The following LAMA2 variants were observed in gnomAD, a reference collection of about 807,000 sequenced individuals.
LAMA2 encodes laminin subunit alpha 2, also known as laminin subunit alpha-2.
A neutral mutation model predicts 364.8 loss-of-function variants in LAMA2; 269 were observed. That is an observed-to-expected ratio of 0.74 (90% CI 0.67 to 0.82). LAMA2 has a LOEUF of 0.82. Ranked by LOEUF, LAMA2 falls within the 40% of genes least tolerant of loss-of-function variation. The pLI is 0.00. For missense variants in LAMA2, 3,807 were observed against 3,873.2 expected (o/e 0.98, Z 0.45); for synonymous variants, 1,379 against 1,370.6 (o/e 1.01, Z -0.14).
At chr6:128,954,714 A>C (rs1199763255) in intron 1 of LAMA2, among the ~76,000 whole-genome samples, 2 of 151,996 alleles carry the variant, frequency 1.3e-5, no homozygotes. Context: ...GATATAATAC[A>C]TTTGGGTGAA....
intron 18 of LAMA2, among the ~76,000 whole-genome samples, chr6:129,285,510 C>T (rs934749609): frequency 3.3e-5 from 5 of 152,110 alleles, no homozygotes; most frequent in East Asian, 1.9e-4. Flanking sequence ...TCCCAGATCT[C>T]GTTATATAAA....
chr6:129,396,552 G>C (rs542408959), intron 37 of LAMA2, among the ~76,000 whole-genome samples: 29 of 152,230 alleles, frequency 1.9e-4, no homozygotes, highest in African/African-American at 7.0e-4. Context: ...AGAAGGCTTT[G>C]GATGCAGCCA....
chr6:129,078,362 T>G (rs754028931), intron 3 of LAMA2, among the ~76,000 whole-genome samples: 6 of 152,100 alleles, frequency 3.9e-5, no homozygotes, highest in Non-Finnish European at 7.4e-5. Context: ...CTTGAACTCC[T>G]GACCTTAAGT....
intron 41 of LAMA2, among the ~76,000 whole-genome samples, chr6:129,431,330 C>T (rs886361537): frequency 9.4e-5 from 14 of 149,390 alleles, no homozygotes; most frequent in East Asian, 4.0e-4. Flanking sequence ...ACCCAGGATA[C>T]GGAGGTTACA....
chr6:129,461,845 C>G (rs1285387666), intron 49 of LAMA2, among the ~76,000 whole-genome samples: 1 of 151,900 alleles, frequency 6.6e-6, no homozygotes, highest in Non-Finnish European at 1.5e-5. Context: ...TGAATACAGC[C>G]TAGTCCTAGC....
At chr6:129,428,426 C>T (rs1257758722) in intron 41 of LAMA2, among the ~76,000 whole-genome samples, 1 of 152,130 alleles carries the variant, frequency 6.6e-6, no homozygotes, top group Non-Finnish European at 1.5e-5. Context: ...AGAGTAAGAT[C>T]CTGTCTCTAA....
At chr6:129,162,756 TG>T (rs1167540088) in intron 8 of LAMA2, among the ~76,000 whole-genome samples, 1 of 152,166 alleles carries the variant, frequency 6.6e-6, no homozygotes, top group Non-Finnish European at 1.5e-5. Context: ...ATACCATGTA[TG>T]ATAAAACTTT....
At position 129,095,858 on chromosome 6, in the gene LAMA2, G is replaced by T. The variant is rs146649398; in HGVS notation, c.397-2315G>T. Among the ~76,000 whole-genome samples, 14 of 152,126 alleles carry T rather than the reference G, an allele frequency of 9.2e-5. No homozygotes were observed. In the East Asian group the frequency reaches 2.5e-3, roughly 27 times the overall value. ...GAATTGCTTGAACCTGGGAGGCAGA[G>T]GTTGCAGTGAGCCAAGCTTGCGCCA... is the stretch of plus-strand genomic sequence containing the variant. On this transcript the variant is annotated intron_variant, in intron 3 of 64. Coordinates refer to ENST00000421865, the MANE Select transcript of LAMA2 (RefSeq NM_000426.4).
Position 129,470,903 on chromosome 6 carries a change from A to C in LAMA2, c.7301-2311A>C, listed in dbSNP as rs149568140. On this transcript the variant is annotated intron_variant, in intron 51 of 64. Transcript: ENST00000421865. ...GTTCCCCATCTTTCTTGAGTCAGTT[A>C]CAGAACCACAGTCCCTGACAGAAGT... Among the ~76,000 whole-genome samples, 410 of 152,034 alleles carry C rather than the reference A, an allele frequency of 2.7e-3. 4 individuals carry two copies. The highest frequency in any genetic ancestry group is 9.4e-3 in the African/African-American group (392 of 41,540).
chr6:128,985,950 C>T (rs571743317), intron 1 of LAMA2, among the ~76,000 whole-genome samples: 3 of 152,218 alleles, frequency 2.0e-5, no homozygotes, highest in Admixed American at 1.3e-4. Context: ...ACCATTGACT[C>T]TTATTTACCT....
At chr6:128,922,358 C>T (rs1331785606) in intron 1 of LAMA2, among the ~76,000 whole-genome samples, 1 of 151,740 alleles carries the variant, frequency 6.6e-6, no homozygotes, top group Non-Finnish European at 1.5e-5. Flanking sequence ...TCCACATCCT[C>T]TCCAGCCCCT....
chr6:129,250,238 C>A, intron 13 of LAMA2, 25 bp downstream of exon 13: 1 of 1,335,140 alleles, frequency 7.5e-7, no homozygotes, highest in African/African-American at 1.5e-5. Flanking sequence ...GCATGTTCAC[C>A]CGTGTTACTT....
intron 37 of LAMA2, among the ~76,000 whole-genome samples, chr6:129,395,194 C>A (rs930194055): frequency 1.9e-4 from 29 of 151,852 alleles, no homozygotes; most frequent in Middle Eastern, 3.4e-3. Context: ...TATACAGGTT[C>A]GAGGAAAACT....
intron 30 of LAMA2, among the ~76,000 whole-genome samples, chr6:129,346,066 A>G (rs993778837): frequency 2.0e-5 from 3 of 152,214 alleles, no homozygotes; most frequent in African/African-American, 7.2e-5. Context: ...CCACGGCATT[A>G]GTTCAAGTCC....
At chr6:129,406,064 G>A (rs534316371) in intron 40 of LAMA2, among the ~76,000 whole-genome samples, 1 of 152,180 alleles carries the variant, frequency 6.6e-6, no homozygotes, top group African/African-American at 2.4e-5. Context: ...GTGGAGGTCA[G>A]ACAATTTGAG....
chr6:129,469,959 A>C (rs779782328), intron 51 of LAMA2, among the ~76,000 whole-genome samples: 2 of 151,876 alleles, frequency 1.3e-5, no homozygotes, highest in Non-Finnish European at 2.9e-5. Flanking sequence ...CGAAAAGGCA[A>C]AAAGGAGGGA....
intron 12 of LAMA2, among the ~76,000 whole-genome samples, chr6:129,245,391 T>C (rs1209069861): frequency 6.6e-6 from 1 of 152,088 alleles, no homozygotes; most frequent in East Asian, 1.9e-4. Context: ...AGTTCCTAAA[T>C]AGCAGGAGAA....
At chr6:129,178,039 C>G (rs561857167) in intron 10 of LAMA2, among the ~76,000 whole-genome samples, 173 bp downstream of exon 10, 1 of 151,562 alleles carries the variant, frequency 6.6e-6, no homozygotes, top group South Asian at 2.1e-4. Flanking sequence ...TTATAAGGCA[C>G]TTATCTAAAA....
At chr6:129,488,428 T>A (rs1204033758) in intron 56 of LAMA2, among the ~76,000 whole-genome samples, 1 of 149,578 alleles carries the variant, frequency 6.7e-6, no homozygotes, top group Non-Finnish European at 1.5e-5. Flanking sequence ...TGAGAAAGAA[T>A]TCTGGAATTC....
Sources: allele counts gnomAD v4.1 joint callset (sites outside exome capture counted in the v4.1 genomes callset), GRCh38; gene constraint gnomAD v4.1.1; transcripts MANE v1.5; gene names NCBI Gene and HGNC (gene_info 2026-07-23, HGNC 2026-07-21).